The following CFAP299 variants were observed in gnomAD, a reference collection of about 807,000 sequenced individuals.
CFAP299 encodes cilia- and flagella-associated protein 299.
CFAP299 carries 21 observed loss-of-function variants against 27.0 expected under a neutral mutation model. The observed-to-expected ratio is 0.78, with a 90% CI of 0.55 to 1.12. The LOEUF (loss-of-function observed/expected upper bound fraction) is 1.12, where lower values mean the gene tolerates loss of function less well. Among genes scored for constraint, CFAP299 ranks in the 50% most tolerant of loss-of-function variants. The pLI is 0.00. For synonymous variants in CFAP299, 104 were observed against 98.1 expected (o/e 1.06, Z -0.36); for missense variants, 310 against 276.6 (o/e 1.12, Z -0.86).
At chr4:80,799,451 A>G (rs1413564738) in intron 3 of CFAP299, among the ~76,000 whole-genome samples, 1 of 91,300 alleles carries the variant, frequency 1.1e-5, no homozygotes, top group African/African-American at 4.6e-5. Flanking sequence ...TTTATAAAAT[A>G]TATATAATAT....
At chr4:80,373,899 A>G (rs1489295810) in intron 2 of CFAP299, among the ~76,000 whole-genome samples, 2 of 152,140 alleles carry the variant, frequency 1.3e-5, no homozygotes, top group African/African-American at 4.8e-5. Flanking sequence ...TTTTTATGCT[A>G]TTAACGACTG....
intron 5 of CFAP299, among the ~76,000 whole-genome samples, chr4:80,948,706 C>T (rs1737603556): frequency 6.6e-6 from 1 of 151,932 alleles, no homozygotes; most frequent in Non-Finnish European, 1.5e-5. Flanking sequence ...TTCTTAGTTA[C>T]ACCAGCTATT....
chr4:80,860,203 C>A (rs376423826), intron 3 of CFAP299, among the ~76,000 whole-genome samples: 1 of 152,192 alleles, frequency 6.6e-6, no homozygotes, highest in South Asian at 2.1e-4. Flanking sequence ...TTGATCGCAT[C>A]GGCTCCTGAG....
intron 3 of CFAP299, among the ~76,000 whole-genome samples, chr4:80,725,467 A>G (rs749868941): frequency 2.6e-5 from 4 of 152,058 alleles, no homozygotes; most frequent in Non-Finnish European, 4.4e-5. Context: ...TTTTTAAGAG[A>G]AAGTTCTGAA....
chr4:80,799,881 TATAATATATAAATTATATATTATA>T (rs1560417768), intron 3 of CFAP299, among the ~76,000 whole-genome samples: 15 of 30,458 alleles, frequency 4.9e-4, no homozygotes, highest in African/African-American at 2.2e-3. Flanking sequence ...TATTATATTA[TATAATATATAAATTATATATTATA>T]ATATAATATA....
At chr4:80,562,505 G>C (rs1735083629) in intron 2 of CFAP299, among the ~76,000 whole-genome samples, 1 of 150,830 alleles carries the variant, frequency 6.6e-6, no homozygotes. Flanking sequence ...TAGAGCCTTT[G>C]TTAGGCTCTA....
chr4:80,815,727 G>T (rs1729387589), intron 3 of CFAP299, among the ~76,000 whole-genome samples: 2 of 151,758 alleles, frequency 1.3e-5, no homozygotes, highest in African/African-American at 4.8e-5. Flanking sequence ...ACATAAAAAT[G>T]AATTAAGGCA....
chr4:80,797,291 T>C (rs1288212613), intron 3 of CFAP299, among the ~76,000 whole-genome samples: 2 of 152,272 alleles, frequency 1.3e-5, no homozygotes, highest in Non-Finnish European at 1.5e-5. Context: ...CAAAGGGTTT[T>C]GGGTCTGTAA....
intron 2 of CFAP299, among the ~76,000 whole-genome samples, chr4:80,400,455 G>T (rs889177009): frequency 6.6e-6 from 1 of 152,010 alleles, no homozygotes; most frequent in South Asian, 2.1e-4. Context: ...GAATCATGGG[G>T]GTTTGTTTTT....
At chr4:80,691,804 C>T (rs2110016998) in intron 3 of CFAP299, among the ~76,000 whole-genome samples, 1 of 152,338 alleles carries the variant, frequency 6.6e-6, no homozygotes, top group African/African-American at 2.4e-5. Flanking sequence ...CCCATTGTCT[C>T]AGCCCAAAAT....
At chr4:80,800,408 G>A (rs1162952438) in intron 3 of CFAP299, among the ~76,000 whole-genome samples, 9 of 41,362 alleles carry the variant, frequency 2.2e-4, no homozygotes, top group South Asian at 9.0e-4. Flanking sequence ...AATATATATT[G>A]ATATATTAAT....
At chr4:80,475,455 T>C (rs1730229970) in intron 2 of CFAP299, among the ~76,000 whole-genome samples, 1 of 152,142 alleles carries the variant, frequency 6.6e-6, no homozygotes, top group Non-Finnish European at 1.5e-5. Flanking sequence ...GGATTAGTTA[T>C]GCAGAGTGAA....
At chr4:80,435,283 A>G (rs1285090175) in intron 2 of CFAP299, among the ~76,000 whole-genome samples, 2 of 152,176 alleles carry the variant, frequency 1.3e-5, no homozygotes, top group Non-Finnish European at 2.9e-5. Context: ...AATGGCTCAG[A>G]TAGCCTGAAT....
chr4:80,567,722 C>G (rs921898815), intron 2 of CFAP299, among the ~76,000 whole-genome samples: 1 of 69,048 alleles, frequency 1.4e-5, no homozygotes, highest in Non-Finnish European at 2.7e-5. Context: ...AAATGCTATT[C>G]TAATGTATTT....
At chr4:80,339,903 G>A (rs961463699) in intron 1 of CFAP299, among the ~76,000 whole-genome samples, 3 of 152,190 alleles carry the variant, frequency 2.0e-5, no homozygotes, top group South Asian at 2.1e-4. Flanking sequence ...GGATCAAAGA[G>A]TGTTGGAATT....
At chr4:80,924,793 C>G (rs1431066554) in intron 4 of CFAP299, among the ~76,000 whole-genome samples, 1 of 151,186 alleles carries the variant, frequency 6.6e-6, no homozygotes, top group Non-Finnish European at 1.5e-5. Context: ...TTATTATTAT[C>G]AATTTTAAAA....
chr4:80,916,252 A>AATATATATATGTATAT (rs1735745676), intron 4 of CFAP299, among the ~76,000 whole-genome samples: 1 of 60,932 alleles, frequency 1.6e-5, no homozygotes, highest in South Asian at 7.4e-4. Context: ...ACTAGACTGA[A>AATATATATATGTATAT]ATATATATAT....
intron 3 of CFAP299, among the ~76,000 whole-genome samples, chr4:80,708,085 A>G (rs929909362): frequency 1.3e-5 from 2 of 152,092 alleles, no homozygotes; most frequent in Non-Finnish European, 2.9e-5. Flanking sequence ...GGAATCTAGT[A>G]ACTTCACTAG....
intron 3 of CFAP299, among the ~76,000 whole-genome samples, chr4:80,818,831 TA>T: frequency 6.6e-6 from 1 of 152,280 alleles, no homozygotes; most frequent in Non-Finnish European, 1.5e-5. Flanking sequence ...TTTTAGAGTC[TA>T]CTAAACAGAA....
Sources: gnomAD v4.1 joint callset for allele counts (sites outside exome capture counted in the v4.1 genomes callset) on GRCh38, gnomAD v4.1.1 for gene constraint, MANE v1.5 for transcripts, NCBI Gene and HGNC (gene_info 2026-07-23, HGNC 2026-07-21) for gene names.